Variants in AP1M1 observed in about 807,000 individuals in gnomAD.
The protein encoded by AP1M1 is adaptor related protein complex 1 subunit mu 1, also known as AP-1 complex subunit mu-1.
Under a neutral mutation model 57.1 loss-of-function variants are expected in AP1M1, and 18 were observed. The observed-to-expected ratio is 0.32, with a 90% CI of 0.22 to 0.47. The LOEUF (loss-of-function observed/expected upper bound fraction) is 0.47, where lower values mean the gene tolerates loss of function less well. Ranked by LOEUF, AP1M1 falls within the 20% of genes least tolerant of loss-of-function variation. AP1M1 has a pLI of 1.00. For synonymous variants in AP1M1, 241 were observed against 237.9 expected (o/e 1.01, Z -0.12); for missense variants, 362 against 593.5 (o/e 0.61, Z 4.05).
At chr19:16,233,664 C>T (rs373156283) in intron 10 of AP1M1, 46 bp downstream of exon 10, 17 of 1,574,836 alleles carry the variant, frequency 1.1e-5, no homozygotes, top group Admixed American at 5.5e-5. Context: ...GGACAGAGGC[C>T]GCAGGTGACA....
Position 16,228,682 on chromosome 19 carries a change from G to T in AP1M1, c.889-88G>T. 6.7e-7 allele frequency: 1 copy of T among 1,498,334 alleles called. No homozygotes were observed. Among genetic ancestry groups the T allele is most frequent in the Non-Finnish European group, 9.1e-7 (1 of 1,093,840 alleles). The allele number at this position is 1,498,334 out of a possible 1,614,324, so 92.8% of individuals were successfully genotyped here. A position where few individuals can be genotyped will look rare whatever the true frequency, so the allele number is the denominator to read the frequency against. ...GGGGCGGGGCTAGGGAGGATCCCCC[G>T]GGCCAGGCTGAGGGGCATGTGTCCT... On this transcript the variant is annotated intron_variant, in intron 8 of 11. Transcript: ENST00000291439. This position sits in a 1 kb window ranked among gnomAD's most constrained non-coding sequence, Gnocchi z 5.0.
At chr19:16,216,651 A>G (rs2091520376) in intron 5 of AP1M1, among the ~76,000 whole-genome samples, 1 of 152,098 alleles carries the variant, frequency 6.6e-6, no homozygotes, top group African/African-American at 2.4e-5. Context: ...TTGATTGTGT[A>G]TAAGGTGGGT....
chr19:16,213,335 G>A (rs2091503253), intron 5 of AP1M1, among the ~76,000 whole-genome samples: 1 of 152,138 alleles, frequency 6.6e-6, no homozygotes, highest in Admixed American at 6.5e-5. Flanking sequence ...TTACCATTAT[G>A]CAATGCACTT....
At chr19:16,216,458 A>G (rs1251983353) in intron 5 of AP1M1, among the ~76,000 whole-genome samples, 1 of 152,000 alleles carries the variant, frequency 6.6e-6, no homozygotes, top group Non-Finnish European at 1.5e-5. Context: ...AAAAAAAAAA[A>G]GAACTCTTGC....
intron 5 of AP1M1, 131 bp downstream of exon 5, chr19:16,209,308 GC>G: frequency 9.8e-7 from 1 of 1,016,394 alleles, no homozygotes; most frequent in Non-Finnish European, 1.4e-6. Context: ...TTCAGTTTGG[GC>G]CACTCATTGA....
In AP1M1 at chr19:16,241,859, G is replaced by A. The variant is rs1434708442; in HGVS notation, c.*7424G>A. 1 of 152,286 alleles carries A rather than the reference G, an allele frequency of 6.6e-6. No individual in the cohort carries two copies. Among genetic ancestry groups the A allele is most frequent in the East Asian group, 1.9e-4 (1 of 5,184 alleles). The allele number at this position is 152,286 out of a possible 1,614,324, so 9.4% of individuals were successfully genotyped here. A position where few individuals can be genotyped will look rare whatever the true frequency, so the allele number is the denominator to read the frequency against. On this transcript the variant is annotated 3_prime_UTR_variant, in exon 12 of 12. Coordinates refer to ENST00000291439, the MANE Select transcript of AP1M1 (RefSeq NM_032493.4). The stretch of plus-strand genomic sequence containing the variant: ...AAATATAAAATTAGCCGGGTGTGGT[G>A]GTGCATGCCTATAATCCCAGCTACT...
chr19:16,208,231 G>T, intron 4 of AP1M1, 82 bp downstream of exon 4: 1 of 1,446,232 alleles, frequency 6.9e-7, no homozygotes, highest in Non-Finnish European at 9.3e-7. Flanking sequence ...AACAGAAGGG[G>T]CAAATTTGTG....
intron 5 of AP1M1, 63 bp from the exon 6 acceptor site, chr19:16,226,358 G>A (rs974536194): frequency 3.3e-6 from 5 of 1,495,598 alleles, no homozygotes; most frequent in Admixed American, 2.0e-5. Context: ...GTCACATGAT[G>A]TGGTAGGAGG....
rs183133188 is a variant in AP1M1 at position 16,242,535 on chromosome 19, T to C, written c.*8100T>C. ...GCTGCTAGTTGAAGATGTTGTCGGA[T>C]TGAACTGAAATACAAAATCCTGTGA... On this transcript the variant is annotated 3_prime_UTR_variant, in exon 12 of 12. Transcript: ENST00000291439. The C allele has an allele frequency of 6.6e-6, 1 of 152,298 alleles. No individual in the cohort carries two copies. Among genetic ancestry groups the C allele is most frequent in the African/African-American group, 2.4e-5 (1 of 41,554 alleles). 9.4% of individuals were successfully genotyped at this position (152,298 alleles called of 1,614,324 possible). A position where few individuals can be genotyped will look rare whatever the true frequency, so the allele number is the denominator to read the frequency against.
rs2091564031 is a variant in AP1M1 at position 16,224,827 on chromosome 19, C to A, written c.547-1594C>A. ...GAAAGAGGCAGGCAAAATCCCAATGCTCGGGCTCCTGGAGCCCCGGCCAGT... is the reference window on the plus strand; with the variant it reads ...GAAAGAGGCAGGCAAAATCCCAATGATCGGGCTCCTGGAGCCCCGGCCAGT... On this transcript the variant is annotated intron_variant, in intron 5 of 11. Transcript: ENST00000291439. Among the ~76,000 whole-genome samples the A allele has an allele frequency of 2.0e-5, 3 of 152,214 alleles. No homozygotes were observed. In the South Asian group the frequency reaches 6.2e-4, roughly 32 times the overall value.
rs1209597253 is a variant in AP1M1 at position 16,241,050 on chromosome 19, G to A, written c.*6615G>A. 1 of 152,102 alleles carries A rather than the reference G, an allele frequency of 6.6e-6. No individual in the cohort carries two copies. The highest frequency in any genetic ancestry group is 1.5e-5 in the Non-Finnish European group (1 of 68,040). The allele number at this position is 152,102 out of a possible 1,614,324, so 9.4% of individuals were successfully genotyped here. A position where few individuals can be genotyped will look rare whatever the true frequency, so the allele number is the denominator to read the frequency against. Reference sequence around the variant, plus strand: ...TAAAAGGTAGGACAAGCCGGGCATGGTGGCTCCCGCCTGTAATCCCAGCAC... The same window carrying A: ...TAAAAGGTAGGACAAGCCGGGCATGATGGCTCCCGCCTGTAATCCCAGCAC... On this transcript the variant is annotated 3_prime_UTR_variant, in exon 12 of 12. Coordinates refer to ENST00000291439, the MANE Select transcript of AP1M1 (RefSeq NM_032493.4).
At chr19:16,232,917 C>G (rs1267880456) in intron 9 of AP1M1, among the ~76,000 whole-genome samples, 6 of 152,194 alleles carry the variant, frequency 3.9e-5, no homozygotes, top group African/African-American at 7.2e-5. Flanking sequence ...CAGTCAGAGC[C>G]ACAGCCACCC....
Position 16,228,722 on chromosome 19 carries a change from G to A in AP1M1, c.889-48G>A. 6.2e-7 allele frequency: 1 copy of A among 1,604,746 alleles called. No homozygotes were observed. The highest frequency in any genetic ancestry group is 8.5e-7 in the Non-Finnish European group (1 of 1,174,510). On this transcript the variant is annotated intron_variant, in intron 8 of 11. Coordinates refer to ENST00000291439, the MANE Select transcript of AP1M1 (RefSeq NM_032493.4). This position sits in a 1 kb window ranked among gnomAD's most constrained non-coding sequence, Gnocchi z 5.0. Reference sequence around the variant, plus strand: ...GCATGTGTCCTGGAGAGGCTGGCCAGCTCACCTTGGCCTCCATAACCCCGG... The same window carrying A: ...GCATGTGTCCTGGAGAGGCTGGCCAACTCACCTTGGCCTCCATAACCCCGG...
intron 1 of AP1M1, among the ~76,000 whole-genome samples, chr19:16,201,118 A>G (rs183619185): frequency 1.2e-4 from 19 of 152,248 alleles, no homozygotes; most frequent in African/African-American, 4.1e-4. Flanking sequence ...TCTGCACAAG[A>G]GACCTGGACG....
Position 16,229,907 on chromosome 19 carries a change from G to C in AP1M1, c.1047+979G>C, listed in dbSNP as rs978006118. On this transcript the variant is annotated intron_variant, in intron 9 of 11. Transcript: ENST00000291439. ...GAGCGTTTTCCTTCTGGTATTGACT[G>C]TCTTCTTGGCGGTCACCTTTGGGAG... is the stretch of plus-strand genomic sequence containing the variant. Among the ~76,000 whole-genome samples, 3 of 152,232 alleles carry C rather than the reference G, an allele frequency of 2.0e-5. No individual in the cohort carries two copies. The East Asian group carries it at 5.8e-4, about 29-fold the overall frequency.
chr19:16,234,384 C>T (rs2091614409), intron 11 of AP1M1, 29 bp from the exon 12 acceptor site: 1 of 1,613,970 alleles, frequency 6.2e-7, no homozygotes, highest in Non-Finnish European at 8.5e-7. Flanking sequence ...GTGCAGAGCC[C>T]AGCATGACGC....
Position 16,241,467 on chromosome 19 carries a change from G to A in AP1M1, c.*7032G>A, listed in dbSNP as rs1599471435. On this transcript the variant is annotated 3_prime_UTR_variant, in exon 12 of 12. Coordinates refer to ENST00000291439, the MANE Select transcript of AP1M1 (RefSeq NM_032493.4). ...TCTAAACTGTCATTGACTGTGTAAAGCAATAATAACAGTGACTAACGTATA... is the reference window on the plus strand; with the variant it reads ...TCTAAACTGTCATTGACTGTGTAAAACAATAATAACAGTGACTAACGTATA... The A allele has an allele frequency of 6.6e-6, 1 of 152,278 alleles. No homozygotes were observed. Among genetic ancestry groups the A allele is most frequent in the East Asian group, 1.9e-4 (1 of 5,188 alleles). The allele number at this position is 152,278 out of a possible 1,614,324, so 9.4% of individuals were successfully genotyped here.
intron 1 of AP1M1, among the ~76,000 whole-genome samples, chr19:16,202,283 C>T (rs950373812): frequency 4.6e-5 from 7 of 152,264 alleles, no homozygotes; most frequent in African/African-American, 1.7e-4. Context: ...AGTCCTGCAG[C>T]TGGCTGTCCT....
In AP1M1 at chr19:16,226,435, C is replaced by T; in HGVS notation, c.561C>T (p.Gly187=). The change falls in exon 6 of 12, where the codon GGC becomes GGT. Residue 187 remains glycine, a synonymous_variant. Coordinates refer to ENST00000291439, the MANE Select transcript of AP1M1 (RefSeq NM_032493.4). ...ESVNLLVSAN[G]NVLRSEIVGS... ...GCCACCCCCAGGTCAGCGCCAACGGCAATGTCCTGCGCAGCGAGATCGTGG... is the reference window on the plus strand; with the variant it reads ...GCCACCCCCAGGTCAGCGCCAACGGTAATGTCCTGCGCAGCGAGATCGTGG... 6.4e-7 allele frequency: 1 copy of T among 1,550,874 alleles called. No homozygotes were observed. Among genetic ancestry groups the T allele is most frequent in the Non-Finnish European group, 8.7e-7 (1 of 1,147,944 alleles).
Sources: gnomAD v4.1 joint callset for allele counts (sites outside exome capture counted in the v4.1 genomes callset) on GRCh38, gnomAD v4.1.1 for gene constraint, Gnocchi (gnomAD v3.1) non-coding constraint, MANE v1.5 for transcripts, NCBI Gene and HGNC (gene_info 2026-07-23, HGNC 2026-07-21) for gene names.